The following GLIS1 variants were observed in gnomAD, a reference collection of about 807,000 sequenced individuals.
GLIS1 encodes GLIS family zinc finger 1.
In GLIS1, 24 loss-of-function variants were observed where a neutral mutation model predicts 63.8. That is an observed-to-expected ratio of 0.38 (90% confidence interval 0.27 to 0.53). GLIS1 has a LOEUF of 0.53. Among genes scored for constraint, GLIS1 ranks in the 20% least tolerant of loss-of-function variants. GLIS1 has a pLI of 0.85. For synonymous variants in GLIS1, 450 were observed against 482.5 expected (o/e 0.93, Z 0.88); for missense variants, 1,036 against 1,074.1 (o/e 0.96, Z 0.50).
chr1:53,544,491 T>A (rs1211291555), intron 4 of GLIS1, among the ~76,000 whole-genome samples: 1 of 152,092 alleles, frequency 6.6e-6, no homozygotes, highest in Non-Finnish European at 1.5e-5. Context: ...ATCCATCATC[T>A]CTCCTGCAGC....
intron 2 of GLIS1, among the ~76,000 whole-genome samples, chr1:53,729,068 T>C (rs1278640557): frequency 6.6e-6 from 1 of 152,222 alleles, no homozygotes; most frequent in African/African-American, 2.4e-5. Flanking sequence ...TCATTAGGTA[T>C]ATTCTGCTTC....
At chr1:53,529,985 C>A (rs933864107) in intron 4 of GLIS1, 33 bp from the exon 5 acceptor site, 5 of 1,602,014 alleles carry the variant, frequency 3.1e-6, no homozygotes, top group Non-Finnish European at 4.3e-6. Flanking sequence ...GAACTCCCAG[C>A]CCGGTGGGCA....
At chr1:53,717,282 A>T (rs1646709823) in intron 2 of GLIS1, among the ~76,000 whole-genome samples, 1 of 152,226 alleles carries the variant, frequency 6.6e-6, no homozygotes, top group Non-Finnish European at 1.5e-5. Context: ...TAATCCACGT[A>T]AAGCAGTGAG....
chr1:53,586,214 G>A (rs984895704), intron 4 of GLIS1, among the ~76,000 whole-genome samples: 2 of 152,192 alleles, frequency 1.3e-5, no homozygotes, highest in Admixed American at 6.5e-5. Flanking sequence ...AGGAAGAAAA[G>A]CATCCCAATG....
At chr1:53,599,024 G>C (rs1409343559) in intron 3 of GLIS1, among the ~76,000 whole-genome samples, 2 of 152,150 alleles carry the variant, frequency 1.3e-5, no homozygotes, top group Non-Finnish European at 2.9e-5. Flanking sequence ...ACCGGCAACT[G>C]GGCAAATGTT....
rs554726541 is a variant in GLIS1, at chr1:53,697,209, A to G, written c.259+40597T>C. Among the ~76,000 whole-genome samples the G allele has an allele frequency of 1.4e-4, 21 of 152,320 alleles. 1 individual carries two copies. The South Asian group carries it at 4.1e-3, about 30-fold the overall frequency. ...GACACAATAGCAGGCTCTGTAAGGAAAGTGGAGGAAAGACAGCAATGCCAA... is the reference window on the plus strand; with the variant it reads ...GACACAATAGCAGGCTCTGTAAGGAGAGTGGAGGAAAGACAGCAATGCCAA... On this transcript the variant is annotated intron_variant, in intron 2 of 10. Transcript: ENST00000628545.
At chr1:53,640,629 G>A (rs201757480) in intron 2 of GLIS1, among the ~76,000 whole-genome samples, 1 of 152,154 alleles carries the variant, frequency 6.6e-6, no homozygotes, top group East Asian at 1.9e-4. Context: ...CACTTCACTT[G>A]GACTGTCCTC....
intron 6 of GLIS1, among the ~76,000 whole-genome samples, chr1:53,523,869 A>G (rs1046487103): frequency 3.3e-5 from 5 of 152,114 alleles, no homozygotes; most frequent in South Asian, 4.1e-4. Context: ...TGCCCTGGAC[A>G]TAGCCCTGCC....
chr1:53,707,930 T>C lies in GLIS1; in HGVS notation c.259+29876A>G, dbSNP rs542055677. Reference sequence around the variant, plus strand: ...CTAGTGTGTGCCCCACACACTAGGCTGGTGCTTTCAGACATGCAAAGCCAT... The same window carrying C: ...CTAGTGTGTGCCCCACACACTAGGCCGGTGCTTTCAGACATGCAAAGCCAT... On this transcript the variant is annotated intron_variant, in intron 2 of 10. Transcript: ENST00000628545. 9.2e-5 allele frequency among the ~76,000 whole-genome samples: 14 copies of C among 152,158 alleles called. No individual in the cohort carries two copies. In the South Asian group the frequency reaches 2.7e-3, roughly 29 times the overall value.
At chr1:53,632,531 T>C (rs1645667962) in intron 2 of GLIS1, among the ~76,000 whole-genome samples, 1 of 124,098 alleles carries the variant, frequency 8.1e-6, no homozygotes, top group Non-Finnish European at 1.6e-5. Context: ...GTGACGGGCA[T>C]GTGAATGTGA....
chr1:53,710,150 G>A (rs1284134280), intron 2 of GLIS1, among the ~76,000 whole-genome samples: 1 of 152,198 alleles, frequency 6.6e-6, no homozygotes, highest in Non-Finnish European at 1.5e-5. Flanking sequence ...AATCCAGGGT[G>A]CTGCCCTAGG....
At chr1:53,523,252 T>C (rs151187436) in intron 6 of GLIS1, among the ~76,000 whole-genome samples, 12 of 152,214 alleles carry the variant, frequency 7.9e-5, no homozygotes, top group African/African-American at 1.9e-4. Flanking sequence ...GCGCAGGATT[T>C]GACCACGTCC....
chr1:53,590,982 G>A (rs1019402223), intron 4 of GLIS1, among the ~76,000 whole-genome samples: 1 of 152,184 alleles, frequency 6.6e-6, no homozygotes, highest in African/African-American at 2.4e-5. Flanking sequence ...GTGTTCCAGT[G>A]GGATGGGATG....
chr1:53,727,572 A>C (rs1042426592), intron 2 of GLIS1, among the ~76,000 whole-genome samples: 2 of 152,226 alleles, frequency 1.3e-5, no homozygotes, highest in African/African-American at 4.8e-5. Context: ...CATGTGACAA[A>C]AAGCGCCAAT....
At chr1:53,521,348 C>G (rs552769405) in intron 6 of GLIS1, among the ~76,000 whole-genome samples, 1 of 152,162 alleles carries the variant, frequency 6.6e-6, no homozygotes, top group Admixed American at 6.5e-5. Flanking sequence ...CCCAACCCCC[C>G]ACCCAGCTCT....
At chr1:53,577,134 C>G (rs1333973894) in intron 4 of GLIS1, among the ~76,000 whole-genome samples, 15 of 151,672 alleles carry the variant, frequency 9.9e-5, no homozygotes, top group African/African-American at 3.4e-4. Context: ...CCAGCCTCCC[C>G]CCCCTCCATG....
At chr1:53,532,263 AGAG>A (rs1203587431) in intron 4 of GLIS1, among the ~76,000 whole-genome samples, 3 of 152,210 alleles carry the variant, frequency 2.0e-5, no homozygotes, top group African/African-American at 7.2e-5. Context: ...TAGCAGTTCC[AGAG>A]GAGGGTCACC....
chr1:53,687,988 A>C (rs868841290), intron 2 of GLIS1, among the ~76,000 whole-genome samples: 6 of 152,110 alleles, frequency 3.9e-5, no homozygotes, highest in South Asian at 4.1e-4. Context: ...AGCCCGGAGG[A>C]CCCAGCCTCT....
chr1:53,707,458 T>C (rs1002980520), intron 2 of GLIS1, among the ~76,000 whole-genome samples: 12 of 152,102 alleles, frequency 7.9e-5, no homozygotes, highest in Non-Finnish European at 1.5e-4. Context: ...AAGACAAGCC[T>C]GGACAATATG....
Sources: gnomAD v4.1 joint callset for allele counts (sites outside exome capture counted in the v4.1 genomes callset) on GRCh38, gnomAD v4.1.1 for gene constraint, MANE v1.5 for transcripts, NCBI Gene and HGNC (gene_info 2026-07-23, HGNC 2026-07-21) for gene names.